CDC6: variants seen among roughly 807,000 people sequenced by gnomAD.
The protein encoded by CDC6 is cell division cycle 6.
Under a neutral mutation model 60.2 loss-of-function variants are expected in CDC6, and 46 were observed. That is an observed-to-expected ratio of 0.76 (90% CI 0.60 to 0.98). The LOEUF is 0.98. CDC6 is among the 50% of genes least tolerant of loss of function. The probability of loss-of-function intolerance (pLI) is 0.00; values close to 1 mark genes in which losing one functional copy is unlikely to be tolerated. For synonymous variants in CDC6, 210 were observed against 233.2 expected, an observed-to-expected ratio of 0.90 and a Z score of 0.90; for missense variants, 596 against 652.9, an observed-to-expected ratio of 0.91 and a Z score of 0.95.
At chr17:40,290,809 T>C (rs2032745799) in intron 2 of CDC6, among the ~76,000 whole-genome samples, 1 of 152,204 alleles carries the variant, frequency 6.6e-6, no homozygotes, top group South Asian at 2.1e-4. Context: ...GTCAATTGTT[T>C]ATTTCTGGAA....
In CDC6 at chr17:40,301,046, G is replaced by A. The variant is rs1034503156; in HGVS notation, c.1452+16G>A. ...TCTGGGGAAGGTAAGTTGGGATGGA[G>A]CAGATGGAACGGAGGTAGAGATCAG... On this transcript the variant is annotated intron_variant, in intron 10 of 11. Coordinates refer to ENST00000209728, the MANE Select transcript of CDC6 (RefSeq NM_001254.4). 3 of 1,574,848 alleles carry A rather than the reference G, an allele frequency of 1.9e-6. No individual in the cohort carries two copies. Among genetic ancestry groups the A allele is most frequent in the Non-Finnish European group, 2.6e-6 (3 of 1,144,876 alleles).
chr17:40,301,870 G>A (rs2032944934), intron 11 of CDC6, 42 bp from the exon 12 acceptor site: 1 of 1,320,204 alleles, frequency 7.6e-7, no homozygotes, highest in Middle Eastern at 1.9e-4. Flanking sequence ...CTTTGCTTTT[G>A]TGAGTTCCCC....
At position 40,295,423 on chromosome 17, in the gene CDC6, C is replaced by A. The variant is rs749599543; in HGVS notation, c.1151C>A (p.Ser384Ter). Residue 384 changes from serine (S) to a stop codon, truncating the protein, a stop_gained, in exon 8 of 12, where the codon TCA (serine) becomes TAA (stop). Coordinates refer to ENST00000209728, the MANE Select transcript of CDC6 (RefSeq NM_001254.4). LOFTEE classifies it high-confidence loss of function. ...QFCARKVSAV[S>*]GDVRKALDVC... ...TGTGCCCGCAAAGTCTCTGCTGTTT[C>A]AGGAGATGTTCGCAAAGCACTGGAT... 6.2e-7 allele frequency: 1 copy of A among 1,613,120 alleles called. No individual in the cohort carries two copies. Among genetic ancestry groups the A allele is most frequent in the Non-Finnish European group, 8.5e-7 (1 of 1,179,562 alleles).
chr17:40,288,510 C>T (rs1267293483), intron 1 of CDC6, among the ~76,000 whole-genome samples: 3 of 151,828 alleles, frequency 2.0e-5, no homozygotes, highest in African/African-American at 4.8e-5. Context: ...CCTCTGCCTG[C>T]CGGGTTCAAG....
In CDC6 at chr17:40,302,320, G is replaced by T. The variant is rs952351208; in HGVS notation, c.*319G>T. ...TGTGTGTATATTTACCTCTTCGTTT[G>T]CTCAAACATGAGTGGGTATTTTTTT... On this transcript the variant is annotated 3_prime_UTR_variant, in exon 12 of 12. Coordinates refer to ENST00000209728, the MANE Select transcript of CDC6 (RefSeq NM_001254.4). 4.0e-5 allele frequency: 12 copies of T among 296,832 alleles called. No homozygotes were observed. Among genetic ancestry groups the T allele is most frequent in the Non-Finnish European group, 6.4e-5 (10 of 157,462 alleles). 18.4% of individuals were successfully genotyped at this position (296,832 alleles called of 1,614,324 possible).
intron 5 of CDC6, 142 bp from the exon 6 acceptor site, chr17:40,293,808 C>T: frequency 2.2e-6 from 2 of 890,358 alleles, no homozygotes; most frequent in Non-Finnish European, 3.8e-6. Flanking sequence ...GTGGGGTATC[C>T]TTGTAGCAGT....
intron 1 of CDC6, among the ~76,000 whole-genome samples, chr17:40,288,853 C>T (rs183311533): frequency 5.3e-5 from 8 of 152,256 alleles, no homozygotes; most frequent in African/African-American, 1.4e-4. Flanking sequence ...CGTGAGCCAC[C>T]GCGTTTGGCC....
rs1466614250 is a variant in CDC6 at position 40,304,597 on chromosome 17, A to G, written c.*2596A>G. 1 of 152,276 alleles carries G rather than the reference A, an allele frequency of 6.6e-6. No individual in the cohort carries two copies. Among genetic ancestry groups the G allele is most frequent in the Non-Finnish European group, 1.5e-5 (1 of 68,080 alleles). The allele number at this position is 152,276 out of a possible 1,614,324, so 9.4% of individuals were successfully genotyped here. A position where few individuals can be genotyped will look rare whatever the true frequency, so the allele number is the denominator to read the frequency against. On this transcript the variant is annotated 3_prime_UTR_variant, in exon 12 of 12. Transcript: ENST00000209728. The stretch of plus-strand genomic sequence containing the variant: ...CCAAGGAAGCTGATTAAGCTTCCAT[A>G]GAGTGTTGGGTGTTGCCATGGAAAG...
rs1193381029 is a variant in CDC6, at chr17:40,303,386, TG to T, written c.*1386del. 6.6e-6 allele frequency: 1 copy of T among 152,270 alleles called. No individual in the cohort carries two copies. Among genetic ancestry groups the T allele is most frequent in the Non-Finnish European group, 1.5e-5 (1 of 68,048 alleles). 9.4% of individuals were successfully genotyped at this position (152,270 alleles called of 1,614,324 possible). A position where few individuals can be genotyped will look rare whatever the true frequency, so the allele number is the denominator to read the frequency against. ...AAGTCTGCTTTTCCCTGAGCTCTCC[TG>T]CTGCCGCCTCTACCTTTCTGACATG... On this transcript the variant is annotated 3_prime_UTR_variant, in exon 12 of 12. Transcript: ENST00000209728.
chr17:40,297,105 G>A (rs1314821720), intron 9 of CDC6, among the ~76,000 whole-genome samples: 2 of 152,118 alleles, frequency 1.3e-5, no homozygotes, highest in African/African-American at 4.8e-5. Context: ...CTCAATATAG[G>A]TGAAAGCAAA....
chr17:40,295,845 CCTT>C (rs2032851104), intron 8 of CDC6, among the ~76,000 whole-genome samples: 1 of 152,084 alleles, frequency 6.6e-6, no homozygotes, highest in Admixed American at 6.6e-5. Flanking sequence ...TGTGAGCACC[CCTT>C]CTTCCCTTCA....
At chr17:40,299,138 CTTTTTTTTT>C (rs67162965) in intron 9 of CDC6, among the ~76,000 whole-genome samples, 64 of 60,780 alleles carry the variant, frequency 1.1e-3, no homozygotes, top group African/African-American at 3.8e-3. Flanking sequence ...AGGCCATAGT[CTTTTTTTTT>C]TTTTTTTTTT....
intron 5 of CDC6, 76 bp from the exon 6 acceptor site, chr17:40,293,874 A>C (rs2032813034): frequency 2.4e-6 from 3 of 1,269,806 alleles, no homozygotes; most frequent in Admixed American, 3.4e-5. Context: ...TAGGAAAGTG[A>C]CCTGAAGTCA....
chr17:40,296,666 G>T (rs2032864072), intron 8 of CDC6, 37 bp from the exon 9 acceptor site: 2 of 1,251,232 alleles, frequency 1.6e-6, no homozygotes, highest in South Asian at 1.2e-5. Flanking sequence ...GTTTGGTTTG[G>T]CTCAGACTAA....
chr17:40,302,071 C>A lies in CDC6; in HGVS notation c.*70C>A. 1.1e-6 allele frequency: 1 copy of A among 906,858 alleles called. No individual in the cohort carries two copies. Among genetic ancestry groups the A allele is most frequent in the South Asian group, 1.3e-5 (1 of 76,080 alleles). 56.2% of individuals were successfully genotyped at this position (906,858 alleles called of 1,614,324 possible). ...GAGAGCTACAGTCTTCATTTTAGTGCTTTACACATTCGGGCCTGAAAACAA... is the reference window on the plus strand; with the variant it reads ...GAGAGCTACAGTCTTCATTTTAGTGATTTACACATTCGGGCCTGAAAACAA... On this transcript the variant is annotated 3_prime_UTR_variant, in exon 12 of 12. Coordinates refer to ENST00000209728, the MANE Select transcript of CDC6 (RefSeq NM_001254.4).
intron 7 of CDC6, 148 bp downstream of exon 7, chr17:40,294,651 T>A: frequency 1.4e-6 from 1 of 725,982 alleles, no homozygotes. Context: ...CATTTTTATG[T>A]GAATTTCAGC....
chr17:40,299,664 G>A (rs545340596), intron 9 of CDC6, among the ~76,000 whole-genome samples: 51 of 151,862 alleles, frequency 3.4e-4, no homozygotes, highest in African/African-American at 1.2e-3. Flanking sequence ...TTGGGAGGCC[G>A]AGGAGGGCAG....
At chr17:40,300,173 A>G (rs1410565145) in intron 9 of CDC6, among the ~76,000 whole-genome samples, 1 of 152,124 alleles carries the variant, frequency 6.6e-6, no homozygotes, top group African/African-American at 2.4e-5. Flanking sequence ...CGTGTTGGGC[A>G]GGCTGGTCTC....
intron 9 of CDC6, among the ~76,000 whole-genome samples, chr17:40,299,223 A>G (rs767490237): frequency 1.5e-4 from 21 of 139,082 alleles, no homozygotes; most frequent in Non-Finnish European, 2.3e-4. Context: ...TCTTGGCTCA[A>G]TGCAACCTCC....
Sources: allele counts gnomAD v4.1 joint callset (sites outside exome capture counted in the v4.1 genomes callset), GRCh38; gene constraint gnomAD v4.1.1; transcripts MANE v1.5; gene names NCBI Gene and HGNC (gene_info 2026-07-23, HGNC 2026-07-21).